Variants in NEK10 observed in about 807,000 individuals in gnomAD.
NEK10 encodes the protein serine/threonine-protein kinase Nek10.
NEK10 carries 122 observed loss-of-function variants against 159.8 expected under a neutral mutation model. The ratio of observed to expected loss-of-function variants is 0.76; its 90% CI spans 0.66 to 0.89. NEK10 has a LOEUF of 0.89. NEK10 is among the 40% of genes least tolerant of loss of function. NEK10 has a pLI of 0.00. For synonymous variants in NEK10, 466 were observed against 457.1 expected (o/e 1.02, Z -0.25); for missense variants, 1,342 against 1,323.1 (o/e 1.01, Z -0.22).
intron 22 of NEK10, among the ~76,000 whole-genome samples, chr3:27,266,622 G>A (rs988244237): frequency 9.9e-5 from 15 of 152,148 alleles, no homozygotes; most frequent in African/African-American, 3.4e-4. Flanking sequence ...ACTTTCCTTA[G>A]TTCTTGTGCT....
chr3:27,144,659 A>C (rs1442927381), intron 30 of NEK10, among the ~76,000 whole-genome samples: 1 of 152,158 alleles, frequency 6.6e-6, no homozygotes, highest in African/African-American at 2.4e-5. Flanking sequence ...GCTTGTATCC[A>C]TAGTTCTTTG....
chr3:27,258,550 A>T (rs927168129), intron 22 of NEK10, among the ~76,000 whole-genome samples: 1 of 152,086 alleles, frequency 6.6e-6, no homozygotes, highest in Non-Finnish European at 1.5e-5. Flanking sequence ...ACATGAATTC[A>T]TCATTTTTTA....
chr3:27,187,378 C>A (rs889672408), intron 26 of NEK10, among the ~76,000 whole-genome samples: 3 of 152,176 alleles, frequency 2.0e-5, no homozygotes, highest in African/African-American at 7.2e-5. Flanking sequence ...CTACCATTTT[C>A]TGCTACCAGC....
chr3:27,219,166 C>T (rs1265068468), intron 23 of NEK10, among the ~76,000 whole-genome samples: 6 of 152,218 alleles, frequency 3.9e-5, no homozygotes, highest in Admixed American at 1.3e-4. Flanking sequence ...TCCTTAAAGG[C>T]GTAGCCACCA....
chr3:27,291,985 A>G (rs1304173501), intron 16 of NEK10, among the ~76,000 whole-genome samples: 4 of 152,168 alleles, frequency 2.6e-5, no homozygotes, highest in Admixed American at 6.5e-5. Flanking sequence ...GATTAATTAC[A>G]TGAAACAAAT....
chr3:27,281,457 G>A (rs542719603), intron 22 of NEK10, among the ~76,000 whole-genome samples: 1 of 152,012 alleles, frequency 6.6e-6, no homozygotes, highest in Admixed American at 6.6e-5. Flanking sequence ...ATAGGCCTCA[G>A]AAGAACACTG....
At chr3:27,284,503 G>A in intron 22 of NEK10, 99 bp downstream of exon 22, 1 of 706,912 alleles carries the variant, frequency 1.4e-6, no homozygotes. Context: ...CATAGACAAA[G>A]AACATTCCCA....
At chr3:27,229,613 A>C (rs975621400) in intron 23 of NEK10, among the ~76,000 whole-genome samples, 1 of 152,282 alleles carries the variant, frequency 6.6e-6, no homozygotes, top group East Asian at 1.9e-4. Flanking sequence ...AACATAAAGA[A>C]ATTTTTTTAA....
chr3:27,257,354 A>C (rs1274095290), intron 22 of NEK10, among the ~76,000 whole-genome samples: 1 of 152,256 alleles, frequency 6.6e-6, no homozygotes, highest in Non-Finnish European at 1.5e-5. Context: ...GAACCAGTGC[A>C]AGAATTCAAG....
chr3:27,337,598 A>G (rs1323292321), intron 5 of NEK10, among the ~76,000 whole-genome samples: 1 of 152,206 alleles, frequency 6.6e-6, no homozygotes, highest in Non-Finnish European at 1.5e-5. Flanking sequence ...GTATAAAACC[A>G]AACATATAGA....
intron 30 of NEK10, among the ~76,000 whole-genome samples, chr3:27,152,660 A>G (rs1479281003): frequency 6.6e-6 from 1 of 152,230 alleles, no homozygotes; most frequent in Non-Finnish European, 1.5e-5. Flanking sequence ...ACAGCACCTC[A>G]CATTTCAATA....
intron 35 of NEK10, among the ~76,000 whole-genome samples, chr3:27,111,735 T>C (rs1015367148): frequency 5.3e-5 from 8 of 152,234 alleles, no homozygotes; most frequent in African/African-American, 1.7e-4. Context: ...AAATAAAATA[T>C]TAATGTAATA....
chr3:27,311,892 T>C (rs963229614), intron 8 of NEK10: 4 of 497,316 alleles, frequency 8.0e-6, no homozygotes, highest in African/African-American at 5.9e-5. Flanking sequence ...TAAATTGTGC[T>C]TTTCAAGGTA....
chr3:27,197,489 T>C (rs1241346756), intron 25 of NEK10, among the ~76,000 whole-genome samples: 2 of 152,150 alleles, frequency 1.3e-5, no homozygotes, highest in Middle Eastern at 3.2e-3. Flanking sequence ...AATCACTTCT[T>C]AGAGTTTGCA....
In NEK10 at chr3:27,280,927, G is replaced by C. The variant is rs962741322; in HGVS notation, c.2014+3675C>G. ...ATGTACATATGGTGTGTGTGTGTGT[G>C]TGTGTGTGTGTATATGTATATGCAT... On this transcript the variant is annotated intron_variant, in intron 22 of 35. Coordinates refer to ENST00000691995, the MANE Select transcript of NEK10 (RefSeq NM_001394966.1). Among the ~76,000 whole-genome samples, 5 of 145,426 alleles carry C rather than the reference G, an allele frequency of 3.4e-5. 1 individual carries two copies. The Admixed American group carries it at 3.5e-4, about 10-fold the overall frequency.
chr3:27,326,812 G>A (rs1225839929), intron 5 of NEK10, among the ~76,000 whole-genome samples: 2 of 152,068 alleles, frequency 1.3e-5, no homozygotes, highest in Non-Finnish European at 2.9e-5. Context: ...ATCTCTTTGC[G>A]CTGACCTCTG....
chr3:27,241,258 A>AT (rs1334093188), intron 23 of NEK10, among the ~76,000 whole-genome samples: 1 of 152,172 alleles, frequency 6.6e-6, no homozygotes, highest in Non-Finnish European at 1.5e-5. Context: ...CCCTACAACC[A>AT]TATCTCTGTT....
chr3:27,284,861 T>A lies in NEK10; in HGVS notation c.1890A>T (p.Arg630Ser). Residue 630 changes from arginine (R) to serine (S), a missense_variant, in exon 21 of 36, where the codon AGA (arginine) becomes AGT (serine). Transcript: ENST00000691995. ...KEKHHHFTEE[R>S]LWKIFIQLCL... is the part of the protein sequence containing the mutation. ...ATACCTGTATAAATATTTTCCATAGTCTTTCTTCAGTAAAATGGTGATGTT... is the reference window on the plus strand; with the variant it reads ...ATACCTGTATAAATATTTTCCATAGACTTTCTTCAGTAAAATGGTGATGTT... 1 of 1,586,200 alleles carries A rather than the reference T, an allele frequency of 6.3e-7. No individual in the cohort carries two copies. The highest frequency in any genetic ancestry group is 8.7e-7 in the Non-Finnish European group (1 of 1,155,382).
intron 23 of NEK10, chr3:27,252,113 G>T: frequency 3.4e-6 from 1 of 297,130 alleles, no homozygotes; most frequent in South Asian, 3.3e-5. Flanking sequence ...TAGGTCCTGG[G>T]GAAACAGTGG....
Sources: gnomAD v4.1 joint callset for allele counts (sites outside exome capture counted in the v4.1 genomes callset) on GRCh38, gnomAD v4.1.1 for gene constraint, MANE v1.5 for transcripts, NCBI Gene and HGNC (gene_info 2026-07-23, HGNC 2026-07-21) for gene names.